The following GLIS2 variants were observed in gnomAD, a reference collection of about 807,000 sequenced individuals.
The protein encoded by GLIS2 is zinc finger protein GLIS2.
GLIS2 carries 14 observed loss-of-function variants against 35.6 expected under a neutral mutation model. That is an observed-to-expected ratio of 0.39 (90% confidence interval 0.26 to 0.61). GLIS2 has a LOEUF of 0.61. GLIS2 is among the 20% of genes least tolerant of loss of function. GLIS2 has a pLI of 0.48. For missense variants in GLIS2, 675 were observed against 713.4 expected (o/e 0.95, Z 0.61); for synonymous variants, 368 against 325.1 (o/e 1.13, Z -1.42).
rs940081932 is a variant in GLIS2, at chr16:4,333,486, C to T, written c.312C>T (p.Gly104=). Residue 104 remains glycine, a synonymous_variant, in exon 3 of 7, where the codon GGC becomes GGT. Coordinates refer to ENST00000433375, the MANE Select transcript of GLIS2 (RefSeq NM_032575.3). The part of the protein sequence containing the change: ...GSSSLSPERQ[G]NGDLPPVPSA... The stretch of plus-strand genomic sequence containing the variant: ...GCTCGCTGTCCCCCGAGCGCCAGGG[C>T]AACGGGGACCTGCCTCCAGTGCCCA... 6.2e-7 allele frequency: 1 copy of T among 1,612,002 alleles called. No individual in the cohort carries two copies. The highest frequency in any genetic ancestry group is 8.5e-7 in the Non-Finnish European group (1 of 1,179,552).
At chr16:4,318,868 C>T (rs1234857030) in intron 1 of GLIS2, among the ~76,000 whole-genome samples, 2 of 152,240 alleles carry the variant, frequency 1.3e-5, no homozygotes, top group East Asian at 3.8e-4. Context: ...CTGAATTCCC[C>T]ACTTGGACCA....
upstream of GLIS2, among the ~76,000 whole-genome samples, chr16:4,315,826 C>A (rs923691658): frequency 1.3e-5 from 2 of 150,520 alleles, no homozygotes; most frequent in Non-Finnish European, 3.0e-5. Flanking sequence ...GCCCCCTCCC[C>A]CGACGCGCAC....
At chr16:4,334,755 G>A (rs756316479) in intron 3 of GLIS2, 46 bp from the exon 4 acceptor site, 2 of 1,609,798 alleles carry the variant, frequency 1.2e-6, no homozygotes, top group Non-Finnish European at 1.7e-6. Context: ...GGGACGGGGG[G>A]CTCTGGGCCA....
chr16:4,337,483 C>T lies in GLIS2; in HGVS notation c.1534C>T (p.Pro512Ser). The change falls in exon 7 of 7, where the codon CCG (proline) becomes TCG (serine). Residue 512 changes from proline to serine, a missense_variant. Coordinates refer to ENST00000433375, the MANE Select transcript of GLIS2 (RefSeq NM_032575.3). ...EALAPGWVVI[P>S]PGSVLLKPAV... is the part of the protein sequence containing the mutation. ...GTTGGCCCCTGGCTGGGTGGTCATC[C>T]CGCCGGGCTCGGTGCTGCTCAAACC... The T allele has an allele frequency of 1.3e-6, 2 of 1,570,288 alleles. No homozygotes were observed. The highest frequency in any genetic ancestry group is 1.8e-5 in the Admixed American group (1 of 55,112).
At chr16:4,316,313 C>T (rs1037756675) in intron 1 of GLIS2, among the ~76,000 whole-genome samples, 59 bp downstream of exon 1, 2 of 132,742 alleles carry the variant, frequency 1.5e-5, no homozygotes, top group East Asian at 4.5e-4. Flanking sequence ...GGGGGGGGGG[C>T]CCGCCTGTCG....
chr16:4,336,255 T>G (rs993212565), intron 6 of GLIS2: 17 of 287,960 alleles, frequency 5.9e-5, no homozygotes, highest in African/African-American at 2.8e-4. Flanking sequence ...CAAGTGATTC[T>G]CCTGCCTCAG....
intron 1 of GLIS2, among the ~76,000 whole-genome samples, chr16:4,325,929 TAA>T (rs58290393): frequency 9.0e-4 from 36 of 40,130 alleles, no homozygotes; most frequent in Admixed American, 1.9e-3. Flanking sequence ...CTCTGTGTCT[TAA>T]AAAAAAAAAA....
At chr16:4,329,579 G>A (rs994737213) in intron 1 of GLIS2, among the ~76,000 whole-genome samples, 2 of 152,164 alleles carry the variant, frequency 1.3e-5, no homozygotes, top group Non-Finnish European at 2.9e-5. Flanking sequence ...ACCATTTTAT[G>A]CCCTACTTGC....
chr16:4,321,843 C>T (rs1011184389), intron 1 of GLIS2, among the ~76,000 whole-genome samples: 1 of 151,968 alleles, frequency 6.6e-6, no homozygotes, highest in Non-Finnish European at 1.5e-5. Context: ...TGAAGGTCGG[C>T]GCTGTGTACA....
intron 1 of GLIS2, among the ~76,000 whole-genome samples, chr16:4,328,884 T>G (rs1488490032): frequency 6.6e-6 from 1 of 151,914 alleles, no homozygotes; most frequent in Non-Finnish European, 1.5e-5. Flanking sequence ...CAAAGGATGT[T>G]GCTTGGGCAG....
chr16:4,319,266 G>A (rs932653211), intron 1 of GLIS2, among the ~76,000 whole-genome samples: 2 of 152,158 alleles, frequency 1.3e-5, no homozygotes, highest in African/African-American at 4.8e-5. Flanking sequence ...GAAGGTCCTG[G>A]GTGGTCTTCC....
intron 1 of GLIS2, among the ~76,000 whole-genome samples, chr16:4,331,258 G>C (rs778415572): frequency 6.6e-6 from 1 of 152,178 alleles, no homozygotes; most frequent in Non-Finnish European, 1.5e-5. Context: ...GGGATTACAG[G>C]TGTGAGTTAC....
chr16:4,337,554 C>G lies in GLIS2; in HGVS notation c.*30C>G, dbSNP rs951742533. On this transcript the variant is annotated 3_prime_UTR_variant, in exon 7 of 7. Transcript: ENST00000433375. ...ATCCTGCGGACAGTTGTGGTGCCCC[C>G]CCGGCAGCTCCCGGCACTGCCCCCG... 4.5e-6 allele frequency: 7 copies of G among 1,539,924 alleles called. No homozygotes were observed. Among genetic ancestry groups the G allele is most frequent in the South Asian group, 2.4e-5 (2 of 84,418 alleles).
chr16:4,327,589 C>A (rs1361228324), intron 1 of GLIS2, among the ~76,000 whole-genome samples: 1 of 152,100 alleles, frequency 6.6e-6, no homozygotes, highest in East Asian at 1.9e-4. Context: ...GCTCCGCCAG[C>A]GCTGCAGCTG....
At chr16:4,318,487 C>T (rs572309553) in intron 1 of GLIS2, among the ~76,000 whole-genome samples, 115 of 152,340 alleles carry the variant, frequency 7.5e-4, no homozygotes, top group Non-Finnish European at 1.2e-3. Context: ...TCGTGTGAAC[C>T]GCGTCCCCCC....
chr16:4,334,099 C>T (rs1174743984), intron 3 of GLIS2, among the ~76,000 whole-genome samples: 2 of 152,074 alleles, frequency 1.3e-5, no homozygotes, highest in African/African-American at 4.8e-5. Context: ...ACCATCACAC[C>T]TGGCTACTTT....
Position 4,332,688 on chromosome 16 carries a change from T to C in GLIS2, c.172+236T>C, listed in dbSNP as rs985126606. On this transcript the variant is annotated intron_variant, in intron 2 of 6. Coordinates refer to ENST00000433375, the MANE Select transcript of GLIS2 (RefSeq NM_032575.3). This position sits in a 1 kb window ranked among gnomAD's most constrained non-coding sequence, Gnocchi z 5.4. ...ATGCAAACTGAGGCCTCTAGGCAGA[T>C]CTGGAACAGAGCTGGTCGGGCAACC... Among the ~76,000 whole-genome samples, 8 of 152,164 alleles carry C rather than the reference T, an allele frequency of 5.3e-5. No homozygotes were observed. Among genetic ancestry groups the C allele is most frequent in the Non-Finnish European group, 7.4e-5 (5 of 68,012 alleles).
chr16:4,328,714 T>C lies in GLIS2; in HGVS notation c.-66-3501T>C, dbSNP rs147583552. On this transcript the variant is annotated intron_variant, in intron 1 of 6. Coordinates refer to ENST00000433375, the MANE Select transcript of GLIS2 (RefSeq NM_032575.3). Reference sequence around the variant, plus strand: ...TGGACCTGCTGATGAAGGGGGTGCATTGGAGTCCTCCCTCTGGCTTTGGGC... The same window carrying C: ...TGGACCTGCTGATGAAGGGGGTGCACTGGAGTCCTCCCTCTGGCTTTGGGC... 3.1e-3 allele frequency among the ~76,000 whole-genome samples: 465 copies of C among 152,198 alleles called. 4 individuals are homozygous for C. Among genetic ancestry groups the C allele is most frequent in the African/African-American group, 9.6e-3 (398 of 41,512 alleles).
Position 4,337,855 on chromosome 16 carries a change from T to G in GLIS2, c.*331T>G. The G allele has an allele frequency of 2.1e-6, 1 of 473,662 alleles. No individual in the cohort carries two copies. The highest frequency in any genetic ancestry group is 3.9e-6 in the Non-Finnish European group (1 of 256,180). The allele number at this position is 473,662 out of a possible 1,614,324, so 29.3% of individuals were successfully genotyped here. A position where few individuals can be genotyped will look rare whatever the true frequency, so the allele number is the denominator to read the frequency against. On this transcript the variant is annotated 3_prime_UTR_variant, in exon 7 of 7. Transcript: ENST00000433375. ...CTCCCACCCTGGCACCTCCCTCACC[T>G]AGTGACCACCCATGGCAAGTTGCCC...
Sources: allele counts gnomAD v4.1 joint callset (sites outside exome capture counted in the v4.1 genomes callset), GRCh38; gene constraint gnomAD v4.1.1; non-coding constraint Gnocchi (gnomAD v3.1); transcripts MANE v1.5; gene names NCBI Gene and HGNC (gene_info 2026-07-23, HGNC 2026-07-21).